RBFOX1: variants seen among roughly 807,000 people sequenced by gnomAD.
The protein encoded by RBFOX1 is RNA binding protein fox-1 homolog 1.
In RBFOX1, 8 loss-of-function variants were observed where a neutral mutation model predicts 57.7. The ratio of observed to expected loss-of-function variants is 0.14; its 90% CI spans 0.08 to 0.25. The LOEUF is 0.25. Ranked by LOEUF, RBFOX1 falls within the 10% of genes least tolerant of loss-of-function variation. The pLI is 1.00. For missense variants in RBFOX1, 611 were observed against 548.5 expected (o/e 1.11, Z -1.14); for synonymous variants, 326 against 222.4 (o/e 1.47, Z -4.15).
At chr16:6,887,527 C>G (rs1361690673) in intron 3 of RBFOX1, among the ~76,000 whole-genome samples, 1 of 151,926 alleles carries the variant, frequency 6.6e-6, no homozygotes, top group African/African-American at 2.4e-5. Context: ...GGTGATTTCC[C>G]TATATCTGTT....
chr16:7,186,840 A>G (rs1218597359), intron 4 of RBFOX1, among the ~76,000 whole-genome samples: 1 of 151,248 alleles, frequency 6.6e-6, no homozygotes, highest in Non-Finnish European at 1.5e-5. Context: ...TTTGAACAAT[A>G]TTCTTTATGA....
chr16:6,862,218 C>T lies in RBFOX1; in HGVS notation c.-15-189839C>T, dbSNP rs993038330. On this transcript the variant is annotated intron_variant, in intron 3 of 15. Coordinates refer to ENST00000550418, the MANE Select transcript of RBFOX1 (RefSeq NM_018723.4). The stretch of plus-strand genomic sequence containing the variant: ...ACATAAATAAGTACTGACCCTTACT[C>T]TAGAGAGTTATTGCACATAAGAAAC... Among the ~76,000 whole-genome samples the T allele has an allele frequency of 1.3e-5, 2 of 152,252 alleles. 1 individual carries two copies. The highest frequency in any genetic ancestry group is 4.2e-4 in the South Asian group (2 of 4,816).
chr16:7,699,577 T>C (rs775701094), intron 14 of RBFOX1, among the ~76,000 whole-genome samples: 6 of 152,172 alleles, frequency 3.9e-5, no homozygotes, highest in Non-Finnish European at 7.3e-5. Flanking sequence ...GCCCTTGAGA[T>C]GTGGCCAGTC....
chr16:6,623,629 G>A (rs1369336402), intron 2 of RBFOX1, among the ~76,000 whole-genome samples: 1 of 151,128 alleles, frequency 6.6e-6, no homozygotes, highest in Non-Finnish European at 1.5e-5. Flanking sequence ...GGTGTCTAAT[G>A]TTCCCCTTCC....
Position 6,679,677 on chromosome 16 carries a change from G to A in RBFOX1, c.-16+25027G>A, listed in dbSNP as rs540352697. 2.0e-5 allele frequency among the ~76,000 whole-genome samples: 3 copies of A among 152,202 alleles called. No homozygotes were observed. In the East Asian group the frequency reaches 5.8e-4, roughly 29 times the overall value. On this transcript the variant is annotated intron_variant, in intron 3 of 15. Transcript: ENST00000550418. Reference sequence around the variant, plus strand: ...CTTTAAAACACCTGTATAAAGCATAGTCTAAACTAACCACCACACCATACA... The same window carrying A: ...CTTTAAAACACCTGTATAAAGCATAATCTAAACTAACCACCACACCATACA...
At chr16:7,650,855 C>T (rs954215916) in intron 11 of RBFOX1, among the ~76,000 whole-genome samples, 2 of 152,138 alleles carry the variant, frequency 1.3e-5, no homozygotes, top group Middle Eastern at 3.2e-3. Flanking sequence ...CAAGGCCATT[C>T]CCACTCATTT....
At chr16:6,280,871 T>C (rs1267606647) in intron 1 of RBFOX1, among the ~76,000 whole-genome samples, 1 of 151,932 alleles carries the variant, frequency 6.6e-6, no homozygotes, top group African/African-American at 2.4e-5. Flanking sequence ...CCTTTGAGAT[T>C]TTTTGTTAAT....
chr16:6,387,187 T>C (rs1013468067), intron 2 of RBFOX1, among the ~76,000 whole-genome samples: 3 of 152,184 alleles, frequency 2.0e-5, no homozygotes, highest in Middle Eastern at 3.2e-3. Flanking sequence ...AATAAGGCAG[T>C]TCTTGTAAGT....
At chr16:5,997,602 T>G (rs1326080357) in intron 4 of RBFOX1, among the ~76,000 whole-genome samples, 1 of 152,210 alleles carries the variant, frequency 6.6e-6, no homozygotes, top group Non-Finnish European at 1.5e-5. Flanking sequence ...GCACTCACAT[T>G]GTGCCTCCTG....
At chr16:5,942,457 G>A (rs1177280292) in intron 4 of RBFOX1, among the ~76,000 whole-genome samples, 2 of 152,092 alleles carry the variant, frequency 1.3e-5, no homozygotes, top group Admixed American at 6.5e-5. Context: ...TATCTCATTC[G>A]ACCAATCTTA....
At chr16:7,507,561 C>CTTTTTTTTTTTTTTTTTTTTTTTTTT in intron 4 of RBFOX1, among the ~76,000 whole-genome samples, 1 of 122,904 alleles carries the variant, frequency 8.1e-6, no homozygotes, top group Non-Finnish European at 1.7e-5. Flanking sequence ...TTTTTTCTTT[C>CTTTTTTTTTTTTTTTTTTTTTTTTTT]TTTCTTTTTT....
intron 3 of RBFOX1, among the ~76,000 whole-genome samples, chr16:5,731,885 A>G (rs2052386339): frequency 6.6e-6 from 1 of 152,190 alleles, no homozygotes; most frequent in African/African-American, 2.4e-5. Flanking sequence ...CTCACATGTT[A>G]GCCTCTCAAT....
chr16:6,992,126 C>T (rs1019675309), intron 3 of RBFOX1, among the ~76,000 whole-genome samples: 4 of 151,938 alleles, frequency 2.6e-5, no homozygotes, highest in African/African-American at 9.7e-5. Context: ...TCTTCCTTTC[C>T]AGTCTGTGTA....
At chr16:5,978,938 C>T (rs749270997) in intron 4 of RBFOX1, among the ~76,000 whole-genome samples, 1 of 152,190 alleles carries the variant, frequency 6.6e-6, no homozygotes. Flanking sequence ...TGTGAAGTCA[C>T]TGTGTTTCCC....
At chr16:6,685,919 T>C (rs1013589473) in intron 3 of RBFOX1, among the ~76,000 whole-genome samples, 2 of 152,178 alleles carry the variant, frequency 1.3e-5, no homozygotes, top group Admixed American at 1.3e-4. Context: ...CATTTTCTAG[T>C]ATTTAAAAAG....
chr16:6,008,513 A>T (rs9928091), intron 4 of RBFOX1, among the ~76,000 whole-genome samples: 2 of 151,934 alleles, frequency 1.3e-5, no homozygotes, highest in African/African-American at 2.4e-5. Context: ...CCATTTTCTA[A>T]AAGCTTGCTG....
chr16:7,700,936 G>T lies in RBFOX1; in HGVS notation c.996-8120G>T, dbSNP rs1409014640. ...GAGTCTTTTAGATGCCACAGTGTTGGATTTGTGTACGTATTATGTATGCAT... is the reference window on the plus strand; with the variant it reads ...GAGTCTTTTAGATGCCACAGTGTTGTATTTGTGTACGTATTATGTATGCAT... On this transcript the variant is annotated intron_variant, in intron 14 of 15. Coordinates refer to ENST00000550418, the MANE Select transcript of RBFOX1 (RefSeq NM_018723.4). Among the ~76,000 whole-genome samples the T allele has an allele frequency of 5.2e-4, 79 of 152,112 alleles. 1 individual carries two copies. The highest frequency in any genetic ancestry group is 5.9e-5 in the Non-Finnish European group (4 of 68,016).
At chr16:5,732,397 C>T (rs1206027610) in intron 3 of RBFOX1, among the ~76,000 whole-genome samples, 1 of 152,178 alleles carries the variant, frequency 6.6e-6, no homozygotes, top group Non-Finnish European at 1.5e-5. Context: ...CAAAGCAACT[C>T]AGGAGCAAGA....
At chr16:7,603,885 A>T (rs909513036) in intron 9 of RBFOX1, among the ~76,000 whole-genome samples, 14 of 151,996 alleles carry the variant, frequency 9.2e-5, no homozygotes, top group Admixed American at 2.6e-4. Context: ...TGTTTTTTTT[A>T]AAAAAATTGC....
Sources: gnomAD v4.1 joint callset for allele counts (sites outside exome capture counted in the v4.1 genomes callset) on GRCh38, gnomAD v4.1.1 for gene constraint, MANE v1.5 for transcripts, NCBI Gene and HGNC (gene_info 2026-07-23, HGNC 2026-07-21) for gene names.